DMXL2: variants seen among roughly 807,000 people sequenced by gnomAD.
DMXL2 encodes the protein Dmx like 2, also known as dmX-like protein 2.
DMXL2 carries 103 observed loss-of-function variants against 331.1 expected under a neutral mutation model. The ratio of observed to expected loss-of-function variants is 0.31; its 90% confidence interval spans 0.27 to 0.37. The LOEUF (loss-of-function observed/expected upper bound fraction) is 0.37. DMXL2 is among the 10% of genes least tolerant of loss of function. The probability of loss-of-function intolerance (pLI) is 1.00; values close to 1 mark genes in which losing one functional copy is unlikely to be tolerated. For synonymous variants in DMXL2, 1,281 were observed against 1,252.1 expected (o/e 1.02, Z -0.49); for missense variants, 3,171 against 3,642.9 (o/e 0.87, Z 3.33).
rs191086998 is a variant in DMXL2, at chr15:51,513,605, C to T, written c.2644+837G>A. Among the ~76,000 whole-genome samples, 40 of 152,276 alleles carry T rather than the reference C, an allele frequency of 2.6e-4. No homozygotes were observed. The East Asian group carries it at 6.7e-3, about 26-fold the overall frequency. Reference sequence around the variant, plus strand: ...TGCACAAATTACATAGAAACAGTTTCCTTAGATGCTATACATAATTTCGTG... The same window carrying T: ...TGCACAAATTACATAGAAACAGTTTTCTTAGATGCTATACATAATTTCGTG... On this transcript the variant is annotated intron_variant, in intron 15 of 43. Coordinates refer to ENST00000560891, the MANE Select transcript of DMXL2 (RefSeq NM_001378457.1).
intron 1 of DMXL2, among the ~76,000 whole-genome samples, chr15:51,587,583 G>A (rs1184542207): frequency 6.6e-6 from 1 of 152,186 alleles, no homozygotes; most frequent in African/African-American, 2.4e-5. Flanking sequence ...GGATATTTGG[G>A]TTGGTTCCAA....
At chr15:51,604,644 A>T (rs1326623763) in intron 1 of DMXL2, among the ~76,000 whole-genome samples, 1 of 152,246 alleles carries the variant, frequency 6.6e-6, no homozygotes, top group Non-Finnish European at 1.5e-5. Context: ...TGGAAGACTC[A>T]AAGATGTCAC....
In DMXL2 at chr15:51,538,423, A is replaced by C; in HGVS notation, c.1135T>G (p.Phe379Val). Reference protein sequence around the residue: ...DIPNVLVGTAFNVDDGNGGFV... With the variant: ...DIPNVLVGTAVNVDDGNGGFV... ...CCCCCATTTCCATCATCAACATTAA[A>C]TGCAGTGCCAACCAAGACATTTGGA... is the stretch of plus-strand genomic sequence containing the variant. Residue 379 changes from phenylalanine (F) to valine (V), a missense_variant, in exon 10 of 44, where the codon TTT becomes GTT. By Grantham distance (50) the Phe-to-Val change is conservative. This residue lies in a region of DMXL2 where 1,674 missense variants were observed against 1,780.2 expected (regional missense o/e 0.94). Coordinates refer to ENST00000560891, the MANE Select transcript of DMXL2 (RefSeq NM_001378457.1). 6.2e-7 allele frequency: 1 copy of C among 1,611,894 alleles called. No homozygotes were observed. Among genetic ancestry groups the C allele is most frequent in the Non-Finnish European group, 8.5e-7 (1 of 1,178,306 alleles).
At chr15:51,595,374 G>C (rs2052720944) in intron 1 of DMXL2, among the ~76,000 whole-genome samples, 1 of 152,110 alleles carries the variant, frequency 6.6e-6, no homozygotes, top group African/African-American at 2.4e-5. Context: ...AGGACATGAA[G>C]GACCTCTTCA....
chr15:51,606,978 C>T (rs529855371), intron 1 of DMXL2, among the ~76,000 whole-genome samples: 1 of 151,764 alleles, frequency 6.6e-6, no homozygotes, highest in Non-Finnish European at 1.5e-5. Flanking sequence ...GCCAACATGG[C>T]GAAACCCTGT....
At chr15:51,459,395 A>G (rs142090555) in intron 34 of DMXL2, among the ~76,000 whole-genome samples, 1 of 152,182 alleles carries the variant, frequency 6.6e-6, no homozygotes, top group Non-Finnish European at 1.5e-5. Flanking sequence ...GACAGGGAGC[A>G]AGAAAGAGAA....
At chr15:51,530,009 A>C (rs1297930146) in intron 13 of DMXL2, among the ~76,000 whole-genome samples, 1 of 152,120 alleles carries the variant, frequency 6.6e-6, no homozygotes, top group Non-Finnish European at 1.5e-5. Flanking sequence ...GAAGGACAAA[A>C]ATTTTTTAGC....
At chr15:51,481,773 A>T (rs1482810487) in intron 23 of DMXL2, 150 bp from the exon 24 acceptor site, 1 of 712,222 alleles carries the variant, frequency 1.4e-6, no homozygotes, top group Non-Finnish European at 2.2e-6. Flanking sequence ...CAATCATTAC[A>T]ACTGTACAGC....
intron 22 of DMXL2, among the ~76,000 whole-genome samples, chr15:51,486,923 A>G (rs2042436447): frequency 2.6e-5 from 4 of 152,130 alleles, no homozygotes; most frequent in Admixed American, 2.6e-4. Flanking sequence ...TTGTTATTTA[A>G]AAAAAGAAAC....
chr15:51,601,050 G>C (rs181016403), intron 1 of DMXL2, among the ~76,000 whole-genome samples: 1 of 152,204 alleles, frequency 6.6e-6, no homozygotes, highest in East Asian at 1.9e-4. Context: ...CCAGCACTTT[G>C]GGAGACCGAG....
chr15:51,489,454 C>T (rs778452028), intron 20 of DMXL2, among the ~76,000 whole-genome samples: 4 of 152,020 alleles, frequency 2.6e-5, no homozygotes, highest in Admixed American at 6.5e-5. Flanking sequence ...GTCAGGAGTT[C>T]GAGGGCAGTC....
rs2040437146 is a variant in DMXL2 at position 51,464,875 on chromosome 15, C to G, written c.7608G>C (p.Glu2536Asp). 1 of 1,609,916 alleles carries G rather than the reference C, an allele frequency of 6.2e-7. No homozygotes were observed. The highest frequency in any genetic ancestry group is 1.3e-5 in the African/African-American group (1 of 74,784). Residue 2536 changes from glutamate to aspartate, a missense_variant and splice_region_variant, in exon 32 of 44, where the codon GAG (glutamate) becomes GAC (aspartate). Coordinates refer to ENST00000560891, the MANE Select transcript of DMXL2 (RefSeq NM_001378457.1). ...FFPIAGLEFS[E>D]LPVTSPLGIA... ...TACCTAATGGTGATGTTACAGGCAG[C>G]TCTACAAGGTGACAGAATATGTTAT...
At chr15:51,504,364 C>A (rs1418239900) in intron 16 of DMXL2, among the ~76,000 whole-genome samples, 1 of 152,150 alleles carries the variant, frequency 6.6e-6, no homozygotes, top group Non-Finnish European at 1.5e-5. Flanking sequence ...AACACAAAAA[C>A]CAAAAGTTCT....
chr15:51,486,464 G>T, intron 22 of DMXL2, 127 bp from the exon 23 acceptor site: 2 of 707,102 alleles, frequency 2.8e-6, no homozygotes, highest in Non-Finnish European at 2.3e-6. Context: ...ACAGTGAAGG[G>T]TAGTTAAATG....
intron 29 of DMXL2, 72 bp from the exon 30 acceptor site, chr15:51,466,383 C>T: frequency 2.0e-6 from 1 of 491,956 alleles, no homozygotes; most frequent in Non-Finnish European, 2.9e-6. Flanking sequence ...TTTTATATAA[C>T]ATGTATTATA....
intron 13 of DMXL2, among the ~76,000 whole-genome samples, chr15:51,535,065 TAGG>T (rs2048211427): frequency 6.6e-6 from 1 of 152,190 alleles, no homozygotes; most frequent in African/African-American, 2.4e-5. Context: ...CCTCTACATC[TAGG>T]AGAACATAGT....
intron 1 of DMXL2, among the ~76,000 whole-genome samples, chr15:51,603,278 A>ATAG (rs1345721638): frequency 6.6e-6 from 1 of 152,162 alleles, no homozygotes; most frequent in African/African-American, 2.4e-5. Flanking sequence ...ATCAGTACTA[A>ATAG]CCCTGCACAC....
intron 15 of DMXL2, 74 bp downstream of exon 15, chr15:51,514,368 C>T: frequency 1.2e-6 from 1 of 854,216 alleles, no homozygotes; most frequent in East Asian, 2.7e-5. Flanking sequence ...TTTTGAAGAT[C>T]CATACTCAGT....
At chr15:51,581,983 T>A (rs2051457978) in intron 1 of DMXL2, among the ~76,000 whole-genome samples, 1 of 152,086 alleles carries the variant, frequency 6.6e-6, no homozygotes, top group Admixed American at 6.6e-5. Flanking sequence ...ATATCAAGAG[T>A]GTTACTATTA....
Sources: allele counts gnomAD v4.1 joint callset (sites outside exome capture counted in the v4.1 genomes callset), GRCh38; gene constraint gnomAD v4.1.1; regional missense constraint gnomAD v4.1.1; transcripts MANE v1.5; gene names NCBI Gene and HGNC (gene_info 2026-07-23, HGNC 2026-07-21).